Variants in UNC13C observed in about 807,000 individuals in gnomAD.
UNC13C encodes protein unc-13 homolog C.
UNC13C carries 174 observed loss-of-function variants against 245.4 expected under a neutral mutation model. The observed-to-expected ratio is 0.71, with a 90% CI of 0.63 to 0.80. The LOEUF (loss-of-function observed/expected upper bound fraction) is 0.80. UNC13C is among the 30% of genes least tolerant of loss of function. The pLI is 0.00. For missense variants in UNC13C, 2,829 were observed against 2,602.9 expected (o/e 1.09, Z -1.89); for synonymous variants, 992 against 895.1 (o/e 1.11, Z -1.93).
chr15:54,630,919 T>C (rs183660771), downstream of UNC13C: 38 of 152,320 alleles, frequency 2.5e-4, no homozygotes, highest in Admixed American at 2.0e-3. Context: ...TATGGTTTAA[T>C]TGGTGATTTT....
chr15:54,204,964 T>C lies in UNC13C; in HGVS notation c.3072-30066T>C, dbSNP rs546624062. On this transcript the variant is annotated intron_variant, in intron 4 of 32. Coordinates refer to ENST00000260323, the MANE Select transcript of UNC13C (RefSeq NM_001080534.3). ...AGTTTCAATGTCATGTTAAAAATCA[T>C]TTTAATTCTAAAATATGTTTTATTC... Among the ~76,000 whole-genome samples, 406 of 152,150 alleles carry C rather than the reference T, an allele frequency of 2.7e-3. 4 individuals are homozygous for C. Among genetic ancestry groups the C allele is most frequent in the Middle Eastern group, 6.8e-3 (2 of 294 alleles).
intron 4 of UNC13C, among the ~76,000 whole-genome samples, chr15:54,145,866 C>T (rs913883023): frequency 6.6e-6 from 1 of 152,180 alleles, no homozygotes; most frequent in African/African-American, 2.4e-5. Context: ...TACATCCATG[C>T]TTTTGTTAAG....
At chr15:54,010,563 G>A (rs1340318078) in intron 1 of UNC13C, among the ~76,000 whole-genome samples, 2 of 152,108 alleles carry the variant, frequency 1.3e-5, no homozygotes, top group Non-Finnish European at 2.9e-5. Context: ...TGGTAATCAG[G>A]GAACTGCTAC....
chr15:54,580,203 G>A (rs939687627), intron 30 of UNC13C, among the ~76,000 whole-genome samples: 11 of 152,218 alleles, frequency 7.2e-5, no homozygotes, highest in Non-Finnish European at 1.3e-4. Context: ...GGAAACTGCA[G>A]ACTACTGCCT....
the UNC13C span, among the ~76,000 whole-genome samples, chr15:53,918,917 G>A: frequency 6.6e-6 from 1 of 152,202 alleles, no homozygotes; most frequent in Non-Finnish European, 1.5e-5. Flanking sequence ...GACAGTCACA[G>A]CATATATGCT....
At chr15:54,391,630 T>C (rs528763075) in intron 17 of UNC13C, among the ~76,000 whole-genome samples, 1 of 152,224 alleles carries the variant, frequency 6.6e-6, no homozygotes, top group Admixed American at 6.5e-5. Flanking sequence ...TTATTCTGGA[T>C]ATTTGAAGTA....
chr15:54,143,633 G>A lies in UNC13C; in HGVS notation c.3020G>A (p.Ser1007Asn), dbSNP rs750252889. 1 of 1,613,282 alleles carries A rather than the reference G, an allele frequency of 6.2e-7. No homozygotes were observed. The highest frequency in any genetic ancestry group is 2.2e-5 in the East Asian group (1 of 44,862). The change falls in exon 4 of 33, where the codon AGT becomes AAT. Residue 1007 changes from serine (S) to asparagine (N), a missense_variant. By Grantham distance (46) the Ser-to-Asn change is conservative. Coordinates refer to ENST00000260323, the MANE Select transcript of UNC13C (RefSeq NM_001080534.3). ...TCTTCATTTAAGGCTCGAATAGTAA[G>A]TGGCAATGATTTGGATGCTTCCAAA... Reference protein sequence around the residue: ...SSVDEKARIVSGNDLDASKFS... With the variant: ...SSVDEKARIVNGNDLDASKFS...
At chr15:54,020,696 A>G (rs1895863574) in intron 2 of UNC13C, among the ~76,000 whole-genome samples, 1 of 152,158 alleles carries the variant, frequency 6.6e-6, no homozygotes, top group African/African-American at 2.4e-5. Flanking sequence ...TAGAGCAATA[A>G]AGATGTATTC....
intron 19 of UNC13C, among the ~76,000 whole-genome samples, chr15:54,461,729 T>C (rs950217053): frequency 5.3e-5 from 8 of 152,176 alleles, no homozygotes; most frequent in African/African-American, 1.9e-4. Context: ...GATAATAGTA[T>C]GAGTAGGTCA....
At chr15:54,415,579 T>C (rs1461726209) in intron 19 of UNC13C, among the ~76,000 whole-genome samples, 2 of 152,196 alleles carry the variant, frequency 1.3e-5, no homozygotes, top group African/African-American at 2.4e-5. Flanking sequence ...ATAAATATTC[T>C]TTGTGCACCC....
intron 2 of UNC13C, among the ~76,000 whole-genome samples, chr15:54,032,413 G>A (rs1896396086): frequency 6.6e-6 from 1 of 152,182 alleles, no homozygotes; most frequent in Non-Finnish European, 1.5e-5. Flanking sequence ...CCACCTTCCT[G>A]GGTGCCTTCA....
chr15:53,892,388 G>A, the UNC13C span, among the ~76,000 whole-genome samples: 3 of 152,120 alleles, frequency 2.0e-5, no homozygotes, highest in Non-Finnish European at 4.4e-5. Flanking sequence ...TCTTTGTGGT[G>A]TTCTCTGTAT....
chr15:54,490,038 A>T (rs935565932), intron 19 of UNC13C, among the ~76,000 whole-genome samples: 1 of 152,184 alleles, frequency 6.6e-6, no homozygotes, highest in African/African-American at 2.4e-5. Flanking sequence ...TCCACGGAGA[A>T]CAATAAATAT....
chr15:53,968,693 AT>A, the UNC13C span, among the ~76,000 whole-genome samples: 1 of 152,100 alleles, frequency 6.6e-6, no homozygotes, highest in Admixed American at 6.6e-5. Flanking sequence ...TTTGTTTGTA[AT>A]TTGAGTTTGA....
chr15:54,018,524 T>C (rs1474411329), intron 2 of UNC13C, among the ~76,000 whole-genome samples: 2 of 152,156 alleles, frequency 1.3e-5, no homozygotes, highest in Non-Finnish European at 2.9e-5. Flanking sequence ...AGCATTCCAG[T>C]AGGAAGAGAC....
chr15:53,906,023 C>A, the UNC13C span, among the ~76,000 whole-genome samples: 1 of 152,076 alleles, frequency 6.6e-6, no homozygotes, highest in Admixed American at 6.6e-5. Context: ...TAAGGGAACC[C>A]TGGGAGTCCA....
chr15:54,015,883 G>A lies in UNC13C; in HGVS notation c.2980G>A (p.Gly994Arg). 2 of 1,574,092 alleles carry A rather than the reference G, an allele frequency of 1.3e-6. No individual in the cohort carries two copies. Among genetic ancestry groups the A allele is most frequent in the Non-Finnish European group, 1.7e-6 (2 of 1,162,964 alleles). Reference sequence around the variant, plus strand: ...AGAGTTGGAAGAGAAGATCTTGGCTGGAGGTATTCATGTTTAAATGCTACA... The same window carrying A: ...AGAGTTGGAAGAGAAGATCTTGGCTAGAGGTATTCATGTTTAAATGCTACA... ...MAELEEKILAGDSSSVDEKAR... is the reference protein window; with the variant it reads ...MAELEEKILARDSSSVDEKAR... Residue 994 changes from glycine (G) to arginine (R), a missense_variant, in exon 2 of 33, where the codon GGA (glycine) becomes AGA (arginine). Coordinates refer to ENST00000260323, the MANE Select transcript of UNC13C (RefSeq NM_001080534.3).
At chr15:53,944,533 T>A in the UNC13C span, among the ~76,000 whole-genome samples, 136,562 of 152,190 alleles carry the variant, frequency 0.9, 61,620 homozygotes, top group Middle Eastern at 0.95. Context: ...TGTCTGCATT[T>A]ATTTGCTAAG....
intron 11 of UNC13C, among the ~76,000 whole-genome samples, chr15:54,295,639 T>A: frequency 7.8e-6 from 1 of 128,648 alleles, no homozygotes; most frequent in Admixed American, 7.8e-5. Flanking sequence ...GGTCACAGAG[T>A]GAGACCTTGT....
Sources: gnomAD v4.1 joint callset for allele counts (sites outside exome capture counted in the v4.1 genomes callset) on GRCh38, gnomAD v4.1.1 for gene constraint, MANE v1.5 for transcripts, NCBI Gene and HGNC (gene_info 2026-07-23, HGNC 2026-07-21) for gene names.